The following COX7B2 variants were observed in gnomAD, a reference collection of about 807,000 sequenced individuals.
COX7B2 encodes cytochrome c oxidase subunit 7B2, mitochondrial.
For missense variants in COX7B2, 109 were observed against 95.9 expected, an observed-to-expected ratio of 1.14 and a Z score of -0.57; for synonymous variants, 37 against 32.1, an observed-to-expected ratio of 1.15 and a Z score of -0.51.
At chr4:46,803,923 G>A (rs938516527) in intron 2 of COX7B2, among the ~76,000 whole-genome samples, 4 of 152,064 alleles carry the variant, frequency 2.6e-5, no homozygotes, top group Admixed American at 6.6e-5. Flanking sequence ...CACTGTGTCC[G>A]GAATTGGTGG....
intron 2 of COX7B2, among the ~76,000 whole-genome samples, chr4:46,752,097 G>GT: frequency 6.6e-6 from 1 of 152,110 alleles, no homozygotes; most frequent in African/African-American, 2.4e-5. Flanking sequence ...ATTTCCTTGT[G>GT]CAGTGGTTTG....
At chr4:46,879,254 A>T (rs1046678394) in intron 1 of COX7B2, among the ~76,000 whole-genome samples, 11 of 152,014 alleles carry the variant, frequency 7.2e-5, no homozygotes, top group African/African-American at 2.7e-4. Flanking sequence ...CAGCCTTCCA[A>T]GTAGCCTCTA....
intron 2 of COX7B2, among the ~76,000 whole-genome samples, chr4:46,792,506 C>T: frequency 6.6e-6 from 1 of 152,150 alleles, no homozygotes; most frequent in East Asian, 1.9e-4. Context: ...CTCTCTCTCC[C>T]CCTGACACTC....
chr4:46,837,786 T>C (rs1715638022), intron 2 of COX7B2, among the ~76,000 whole-genome samples: 1 of 152,102 alleles, frequency 6.6e-6, no homozygotes, highest in Admixed American at 6.6e-5. Context: ...GCTTTGTGTG[T>C]TCCTATACTG....
chr4:46,858,005 G>A (rs1021203995), intron 1 of COX7B2, among the ~76,000 whole-genome samples: 1 of 152,058 alleles, frequency 6.6e-6, no homozygotes, highest in East Asian at 1.9e-4. Context: ...CTCGAAGCTG[G>A]TGGGGTTTTT....
chr4:46,794,014 C>G (rs1718189356), intron 2 of COX7B2, among the ~76,000 whole-genome samples: 1 of 152,122 alleles, frequency 6.6e-6, no homozygotes, highest in Admixed American at 6.5e-5. Flanking sequence ...AAAGACAATA[C>G]CAATTCTCTT....
intron 1 of COX7B2, among the ~76,000 whole-genome samples, chr4:46,859,372 G>A (rs1379914871): frequency 6.6e-6 from 1 of 152,096 alleles, no homozygotes; most frequent in East Asian, 1.9e-4. Context: ...GATTTTAGGG[G>A]TCAGATACCT....
intron 1 of COX7B2, among the ~76,000 whole-genome samples, chr4:46,860,556 T>G: frequency 6.6e-6 from 1 of 152,142 alleles, no homozygotes; most frequent in African/African-American, 2.4e-5. Flanking sequence ...CTGCCCCTTC[T>G]TTGACATCTG....
chr4:46,845,129 T>C (rs1469945222), intron 1 of COX7B2, 115 bp from the exon 2 acceptor site: 1 of 152,038 alleles, frequency 6.6e-6, no homozygotes, highest in Non-Finnish European at 1.5e-5. Flanking sequence ...TCATTAACAG[T>C]AAATATTGTC....
At chr4:46,793,143 G>A (rs1246555003) in intron 2 of COX7B2, among the ~76,000 whole-genome samples, 2 of 152,348 alleles carry the variant, frequency 1.3e-5, no homozygotes, top group East Asian at 1.9e-4. Flanking sequence ...GTTTAAGGGT[G>A]AGGGGGCTTA....
At chr4:46,770,328 G>C (rs1716803733) in intron 2 of COX7B2, among the ~76,000 whole-genome samples, 1 of 152,012 alleles carries the variant, frequency 6.6e-6, no homozygotes, top group African/African-American at 2.4e-5. Context: ...ATGAAATATT[G>C]ATAAAACTAC....
intron 2 of COX7B2, among the ~76,000 whole-genome samples, chr4:46,830,427 G>A (rs1476162224): frequency 2.6e-5 from 4 of 151,860 alleles, no homozygotes; most frequent in Non-Finnish European, 5.9e-5. Flanking sequence ...ATACTCCATT[G>A]AGGAAAATAT....
chr4:46,868,182 T>C (rs541993504), intron 1 of COX7B2, among the ~76,000 whole-genome samples: 46 of 152,322 alleles, frequency 3.0e-4, no homozygotes, highest in Non-Finnish European at 6.0e-4. Flanking sequence ...TTCACAGTAG[T>C]TTCTGATGGC....
chr4:46,768,290 A>G (rs1275721109), intron 2 of COX7B2, among the ~76,000 whole-genome samples: 2 of 152,188 alleles, frequency 1.3e-5, no homozygotes, highest in African/African-American at 4.8e-5. Flanking sequence ...GGAATGGGAA[A>G]GCAGTCTTCC....
At chr4:46,750,559 T>C (rs567602052) in intron 2 of COX7B2, among the ~76,000 whole-genome samples, 133 of 152,292 alleles carry the variant, frequency 8.7e-4, no homozygotes, top group African/African-American at 2.9e-3. Context: ...GGTCAATTGT[T>C]TTAAGTCAGG....
chr4:46,875,853 A>G (rs551262250), intron 1 of COX7B2, among the ~76,000 whole-genome samples: 105 of 152,034 alleles, frequency 6.9e-4, no homozygotes, highest in African/African-American at 2.5e-3. Context: ...AGTGTTATAA[A>G]TTCTATTAAT....
At chr4:46,753,132 T>G (rs1169335168) in intron 2 of COX7B2, among the ~76,000 whole-genome samples, 1 of 152,188 alleles carries the variant, frequency 6.6e-6, no homozygotes, top group Non-Finnish European at 1.5e-5. Context: ...AACTTCTTCC[T>G]GGTTTAGTCT....
chr4:46,735,605 T>C (rs1714317549), intron 2 of COX7B2, among the ~76,000 whole-genome samples: 1 of 152,144 alleles, frequency 6.6e-6, no homozygotes, highest in African/African-American at 2.4e-5. Context: ...CCATGCCTCC[T>C]CACTCTCCTC....
rs537121030 is a variant in COX7B2, at chr4:46,781,833, G to T, written c.-49-46592C>A. Among the ~76,000 whole-genome samples, 8 of 152,354 alleles carry T rather than the reference G, an allele frequency of 5.3e-5. No individual in the cohort carries two copies. In the South Asian group the frequency reaches 1.7e-3, roughly 32 times the overall value. On this transcript the variant is annotated intron_variant, in intron 2 of 2. Coordinates refer to ENST00000355591, the MANE Select transcript of COX7B2 (RefSeq NM_130902.3). ...AGGCTTAGCACCCAAGCCAGCAGCT[G>T]CAGAGGATGTGCGGGGTCCCTCAGC...
Sources: gnomAD v4.1 joint callset for allele counts (sites outside exome capture counted in the v4.1 genomes callset) on GRCh38, gnomAD v4.1.1 for gene constraint, MANE v1.5 for transcripts, NCBI Gene and HGNC (gene_info 2026-07-23, HGNC 2026-07-21) for gene names.